GPC5: variants seen among roughly 807,000 people sequenced by gnomAD.
GPC5 encodes glypican-5.
Under a neutral mutation model 53.9 loss-of-function variants are expected in GPC5, and 47 were observed. The observed-to-expected ratio is 0.87, with a 90% CI of 0.69 to 1.11. GPC5 has a LOEUF of 1.11. Ranked by LOEUF, GPC5 falls within the 50% of genes most tolerant of loss-of-function variation. GPC5 has a pLI of 0.00. For missense variants in GPC5, 748 were observed against 713.1 expected, an observed-to-expected ratio of 1.05 and a Z score of -0.56; for synonymous variants, 286 against 263.3, an observed-to-expected ratio of 1.09 and a Z score of -0.84.
chr13:91,648,858 T>G (rs1204636211), intron 2 of GPC5, among the ~76,000 whole-genome samples: 3 of 152,116 alleles, frequency 2.0e-5, no homozygotes, highest in Admixed American at 2.0e-4. Context: ...CAGTACAACT[T>G]GAGAATCAGT....
chr13:92,789,157 C>T (rs569448445), intron 7 of GPC5, among the ~76,000 whole-genome samples: 67 of 152,184 alleles, frequency 4.4e-4, no homozygotes, highest in Non-Finnish European at 7.1e-4. Flanking sequence ...AAGGAAAGCA[C>T]GGCTTCAACA....
intron 7 of GPC5, among the ~76,000 whole-genome samples, chr13:92,691,449 G>A (rs1350453543): frequency 6.8e-6 from 1 of 147,578 alleles, no homozygotes; most frequent in African/African-American, 2.5e-5. Context: ...ACACACACTG[G>A]CCTGCGCCCA....
intron 7 of GPC5, among the ~76,000 whole-genome samples, chr13:92,251,683 A>G (rs2042693828): frequency 6.6e-6 from 1 of 152,110 alleles, no homozygotes; most frequent in African/African-American, 2.4e-5. Flanking sequence ...AAGACCCTGA[A>G]TGACAATGTC....
At chr13:92,269,542 A>G (rs1311006139) in intron 7 of GPC5, among the ~76,000 whole-genome samples, 1 of 152,084 alleles carries the variant, frequency 6.6e-6, no homozygotes, top group Non-Finnish European at 1.5e-5. Context: ...AGTAGCTGGG[A>G]CTACAGGCAT....
chr13:92,427,331 A>G (rs1345770809), intron 7 of GPC5, among the ~76,000 whole-genome samples: 3 of 149,004 alleles, frequency 2.0e-5, no homozygotes, highest in Admixed American at 6.8e-5. Context: ...ATAACATACG[A>G]GATAACTGGC....
At chr13:92,586,344 ATTC>A (rs940243230) in intron 7 of GPC5, among the ~76,000 whole-genome samples, 3 of 152,238 alleles carry the variant, frequency 2.0e-5, no homozygotes, top group Non-Finnish European at 4.4e-5. Flanking sequence ...ACCATGCACT[ATTC>A]TTAGAATTGC....
intron 6 of GPC5, among the ~76,000 whole-genome samples, chr13:92,143,056 G>A (rs910654226): frequency 6.6e-6 from 1 of 151,992 alleles, no homozygotes; most frequent in Non-Finnish European, 1.5e-5. Context: ...TTAAATATTT[G>A]CAAAGTGCTT....
At chr13:92,800,430 A>G (rs773726926) in intron 7 of GPC5, among the ~76,000 whole-genome samples, 26 of 151,970 alleles carry the variant, frequency 1.7e-4, no homozygotes, top group Non-Finnish European at 2.5e-4. Context: ...TGTGAGATGA[A>G]GCATGTCCCA....
intron 1 of GPC5, among the ~76,000 whole-genome samples, chr13:91,407,734 C>T (rs1877430487): frequency 6.6e-6 from 1 of 152,172 alleles, no homozygotes; most frequent in South Asian, 2.1e-4. Flanking sequence ...TTAAAGGACA[C>T]TGACTTGGAG....
At chr13:91,944,582 T>C (rs1323665589) in intron 6 of GPC5, among the ~76,000 whole-genome samples, 1 of 152,242 alleles carries the variant, frequency 6.6e-6, no homozygotes, top group African/African-American at 2.4e-5. Context: ...GAATTACTTG[T>C]ACATTATCAG....
At chr13:92,113,838 A>G (rs1009445589) in intron 6 of GPC5, among the ~76,000 whole-genome samples, 5 of 152,106 alleles carry the variant, frequency 3.3e-5, no homozygotes, top group South Asian at 4.1e-4. Context: ...AAAAAAACAA[A>G]AAAAAGCCAC....
At chr13:92,854,630 A>G (rs936337466) in intron 7 of GPC5, among the ~76,000 whole-genome samples, 5 of 151,990 alleles carry the variant, frequency 3.3e-5, no homozygotes, top group African/African-American at 1.2e-4. Context: ...CTCAAAGGGA[A>G]TAGAGTCTGC....
chr13:92,463,669 CAT>C (rs977213501), intron 7 of GPC5, among the ~76,000 whole-genome samples: 6 of 152,050 alleles, frequency 3.9e-5, no homozygotes, highest in African/African-American at 1.4e-4. Flanking sequence ...TTCCTTGTAA[CAT>C]AGATACATAA....
chr13:92,116,003 C>A (rs2041597726), intron 6 of GPC5, among the ~76,000 whole-genome samples: 1 of 152,110 alleles, frequency 6.6e-6, no homozygotes, highest in Non-Finnish European at 1.5e-5. Context: ...GTAATCCTAG[C>A]ACTTTGGGAG....
At chr13:92,762,341 C>A (rs1875218372) in intron 7 of GPC5, among the ~76,000 whole-genome samples, 1 of 151,770 alleles carries the variant, frequency 6.6e-6, no homozygotes, top group Admixed American at 6.6e-5. Context: ...GTAAAGTAGT[C>A]TATAATAACT....
intron 5 of GPC5, among the ~76,000 whole-genome samples, chr13:91,869,377 T>C (rs2138927353): frequency 6.6e-6 from 1 of 152,316 alleles, no homozygotes; most frequent in South Asian, 2.1e-4. Flanking sequence ...CTGACTCCTC[T>C]ATAGAGATTA....
At chr13:92,503,451 T>C (rs1486171608) in intron 7 of GPC5, among the ~76,000 whole-genome samples, 2 of 151,412 alleles carry the variant, frequency 1.3e-5, no homozygotes, top group African/African-American at 4.8e-5. Flanking sequence ...AAGAAAAGCT[T>C]GACATGAATA....
chr13:92,010,276 CAAAGT>C (rs1164571462), intron 6 of GPC5, among the ~76,000 whole-genome samples: 1 of 152,146 alleles, frequency 6.6e-6, no homozygotes, highest in African/African-American at 2.4e-5. Context: ...CCCCCAGCCT[CAAAGT>C]AAAGTATAGC....
chr13:91,595,032 T>TTATG lies in GPC5; in HGVS notation c.326-98152_326-98151insGTAT, dbSNP rs1449252989. ...TTTATTTATTTATTTATTTATTTAT[T>TTATG]TATTTATTTCTAGACGGAGACTCAC... On this transcript the variant is annotated intron_variant, in intron 2 of 7. Transcript: ENST00000377067. Among the ~76,000 whole-genome samples the TTATG allele has an allele frequency of 8.4e-4, 83 of 98,640 alleles. 1 individual carries two copies. The highest frequency in any genetic ancestry group is 2.6e-3 in the African/African-American group (80 of 31,304). The allele number at this position is 98,640 out of a possible 152,430, so 64.7% of individuals were successfully genotyped here.
Sources: gnomAD v4.1 joint callset for allele counts (sites outside exome capture counted in the v4.1 genomes callset) on GRCh38, gnomAD v4.1.1 for gene constraint, MANE v1.5 for transcripts, NCBI Gene and HGNC (gene_info 2026-07-23, HGNC 2026-07-21) for gene names.